The following CCBE1 variants were observed in gnomAD, a reference collection of about 807,000 sequenced individuals.
CCBE1 encodes the protein collagen and calcium binding EGF domains 1, also known as collagen and calcium-binding EGF domain-containing protein 1.
CCBE1 carries 37 observed loss-of-function variants against 50.0 expected under a neutral mutation model. That is an observed-to-expected ratio of 0.74 (90% CI 0.57 to 0.97). The LOEUF (loss-of-function observed/expected upper bound fraction) is 0.97. Ranked by LOEUF, CCBE1 falls within the 50% of genes least tolerant of loss-of-function variation. CCBE1 has a pLI of 0.00. For missense variants in CCBE1, 538 were observed against 523.8 expected (o/e 1.03, Z -0.26); for synonymous variants, 234 against 203.7 (o/e 1.15, Z -1.27).
In CCBE1 at chr18:59,597,732, C is replaced by G. The variant is rs140804743; in HGVS notation, c.212+98897G>C. On this transcript the variant is annotated intron_variant, in intron 2 of 10. Transcript: ENST00000439986. The stretch of plus-strand genomic sequence containing the variant: ...TTCTTCATCTTTGGTCTCTGCCCAC[C>G]TCTGTGTTGGCTTCATTCTCAGGAA... 2.7e-3 allele frequency among the ~76,000 whole-genome samples: 415 copies of G among 152,224 alleles called. 1 individual carries two copies. The highest frequency in any genetic ancestry group is 9.6e-3 in the African/African-American group (398 of 41,528).
chr18:59,618,405 C>T (rs2053665649), intron 2 of CCBE1, among the ~76,000 whole-genome samples: 1 of 151,184 alleles, frequency 6.6e-6, no homozygotes, highest in Non-Finnish European at 1.5e-5. Context: ...AATCTTCAGA[C>T]ACATACATCT....
At position 59,622,645 on chromosome 18, in the gene CCBE1, A is replaced by G. The variant is rs535708072; in HGVS notation, c.212+73984T>C. Among the ~76,000 whole-genome samples the G allele has an allele frequency of 1.1e-4, 17 of 151,626 alleles. No individual in the cohort carries two copies. In the South Asian group the frequency reaches 2.5e-3, roughly 22 times the overall value. On this transcript the variant is annotated intron_variant, in intron 2 of 10. Transcript: ENST00000439986. Reference sequence around the variant, plus strand: ...GTGAAACCCCATCTCTACTAAAAATACAAAATGTAGCTGGGCGTGGTGGCA... The same window carrying G: ...GTGAAACCCCATCTCTACTAAAAATGCAAAATGTAGCTGGGCGTGGTGGCA...
intron 2 of CCBE1, among the ~76,000 whole-genome samples, chr18:59,673,362 A>G (rs1292394264): frequency 6.6e-6 from 1 of 152,164 alleles, no homozygotes; most frequent in East Asian, 1.9e-4. Flanking sequence ...GAGACAGGAG[A>G]ATTGCTTGAA....
At chr18:59,619,213 A>G (rs568245825) in intron 2 of CCBE1, among the ~76,000 whole-genome samples, 7 of 152,252 alleles carry the variant, frequency 4.6e-5, no homozygotes, top group South Asian at 2.1e-4. Flanking sequence ...AAAACGTTTT[A>G]TTTTTCCATC....
chr18:59,638,764 C>T (rs1337198500), intron 2 of CCBE1, among the ~76,000 whole-genome samples: 2 of 152,074 alleles, frequency 1.3e-5, no homozygotes, highest in Non-Finnish European at 2.9e-5. Context: ...CTTCAAGAAA[C>T]AACAAATACA....
At chr18:59,501,822 T>G (rs1386454283) in intron 2 of CCBE1, among the ~76,000 whole-genome samples, 1 of 152,168 alleles carries the variant, frequency 6.6e-6, no homozygotes, top group African/African-American at 2.4e-5. Flanking sequence ...CTTCATTTAT[T>G]TTGAGACAGG....
intron 2 of CCBE1, among the ~76,000 whole-genome samples, chr18:59,679,622 C>G (rs997271917): frequency 2.6e-5 from 4 of 152,034 alleles, no homozygotes; most frequent in Non-Finnish European, 5.9e-5. Context: ...CAGCTTTTCA[C>G]CCTCAAAATA....
intron 2 of CCBE1, among the ~76,000 whole-genome samples, chr18:59,638,547 A>G (rs902784102): frequency 2.6e-5 from 4 of 152,218 alleles, no homozygotes; most frequent in African/African-American, 9.6e-5. Flanking sequence ...TAAGCCCTCT[A>G]CAAGTGATTC....
chr18:59,440,383 G>A (rs79775847), intron 7 of CCBE1, among the ~76,000 whole-genome samples: 1,984 of 152,270 alleles, frequency 0.013, 49 homozygotes, highest in African/African-American at 0.045. Flanking sequence ...TATATACACA[G>A]CACTTAGTAT....
chr18:59,667,014 C>A (rs1265723845), intron 2 of CCBE1, among the ~76,000 whole-genome samples: 1 of 152,012 alleles, frequency 6.6e-6, no homozygotes. Context: ...TGGTTGATGC[C>A]CATAATCCCA....
At chr18:59,574,080 C>A (rs1216746231) in intron 2 of CCBE1, among the ~76,000 whole-genome samples, 1 of 152,148 alleles carries the variant, frequency 6.6e-6, no homozygotes, top group African/African-American at 2.4e-5. Context: ...GCAGCTGGGA[C>A]TAAAAAAGGC....
chr18:59,479,561 C>T (rs1912468128), intron 3 of CCBE1, among the ~76,000 whole-genome samples: 1 of 152,226 alleles, frequency 6.6e-6, no homozygotes, highest in Admixed American at 6.5e-5. Flanking sequence ...ATTTAACCCA[C>T]ATACTAATAC....
chr18:59,462,686 AT>A (rs11461782), intron 5 of CCBE1, among the ~76,000 whole-genome samples: 16 of 149,624 alleles, frequency 1.1e-4, no homozygotes, highest in Middle Eastern at 3.5e-3. Flanking sequence ...ACCTGACCTA[AT>A]TTTTTTTTTT....
At chr18:59,573,767 C>T (rs780067641) in intron 2 of CCBE1, among the ~76,000 whole-genome samples, 1 of 152,130 alleles carries the variant, frequency 6.6e-6, no homozygotes, top group African/African-American at 2.4e-5. Context: ...GTTAGAGTCA[C>T]TGCCTTAAAC....
chr18:59,434,605 C>A lies in CCBE1; in HGVS notation c.*1303G>T, dbSNP rs970911319. On this transcript the variant is annotated 3_prime_UTR_variant, in exon 11 of 11. Coordinates refer to ENST00000439986, the MANE Select transcript of CCBE1 (RefSeq NM_133459.4). The stretch of plus-strand genomic sequence containing the variant: ...ACTCACTAGGAGGTGGAGATATAGA[C>A]CTTTTTCTGAACTGCTTCTCACATG... The A allele has an allele frequency of 6.6e-6, 1 of 152,064 alleles. No individual in the cohort carries two copies. Among genetic ancestry groups the A allele is most frequent in the Non-Finnish European group, 1.5e-5 (1 of 68,028 alleles). 9.4% of individuals were successfully genotyped at this position (152,064 alleles called of 1,614,324 possible).
chr18:59,661,966 T>TA (rs34765491), intron 2 of CCBE1, among the ~76,000 whole-genome samples: 2,566 of 148,690 alleles, frequency 0.017, 78 homozygotes, highest in African/African-American at 0.056. Flanking sequence ...GACTCAGTCT[T>TA]AAAAAAAAAA....
intron 2 of CCBE1, among the ~76,000 whole-genome samples, chr18:59,528,397 A>G (rs1319639400): frequency 5.9e-5 from 9 of 152,150 alleles, no homozygotes; most frequent in African/African-American, 2.2e-4. Flanking sequence ...GCTTCTTTGC[A>G]TTGGGTTAGA....
upstream of CCBE1, chr18:59,697,530 T>C (rs925803729): frequency 4.0e-5 from 30 of 753,006 alleles, no homozygotes; most frequent in Admixed American, 6.0e-5. Flanking sequence ...GGCTAGGAGT[T>C]GGGGTATCGG....
intron 2 of CCBE1, among the ~76,000 whole-genome samples, chr18:59,571,595 G>A (rs1347582836): frequency 2.6e-5 from 4 of 152,086 alleles, no homozygotes; most frequent in Non-Finnish European, 4.4e-5. Context: ...TGCACGTTGT[G>A]CGCATGTACC....
Sources: allele counts gnomAD v4.1 joint callset (sites outside exome capture counted in the v4.1 genomes callset), GRCh38; gene constraint gnomAD v4.1.1; transcripts MANE v1.5; gene names NCBI Gene and HGNC (gene_info 2026-07-23, HGNC 2026-07-21).